Variants in ARHGEF4 observed in about 807,000 individuals in gnomAD.
ARHGEF4 encodes the protein APC-stimulated guanine nucleotide exchange factor 1.
Under a neutral mutation model 162.0 loss-of-function variants are expected in ARHGEF4, and 119 were observed. The observed-to-expected ratio is 0.73, with a 90% CI of 0.63 to 0.86. ARHGEF4 has a LOEUF of 0.86. Among genes scored for constraint, ARHGEF4 ranks in the 40% least tolerant of loss-of-function variants. The pLI, the probability that ARHGEF4 is intolerant of heterozygous loss-of-function variation, is 0.00. For missense variants in ARHGEF4, 2,488 were observed against 2,456.0 expected (o/e 1.01, Z -0.28); for synonymous variants, 1,014 against 979.9 (o/e 1.03, Z -0.65).
At chr2:130,979,187 A>G (rs533410191) in intron 4 of ARHGEF4, among the ~76,000 whole-genome samples, 14 of 152,218 alleles carry the variant, frequency 9.2e-5, no homozygotes, top group Non-Finnish European at 1.8e-4. Context: ...ATTTAACGTG[A>G]CAATCATAAC....
At chr2:130,901,423 G>A (rs552606080) in intron 1 of ARHGEF4, among the ~76,000 whole-genome samples, 1 of 152,096 alleles carries the variant, frequency 6.6e-6, no homozygotes. Context: ...CCTCTTGCTG[G>A]AACTTTGGCC....
intron 1 of ARHGEF4, among the ~76,000 whole-genome samples, chr2:130,881,880 G>A (rs1441617766): frequency 6.6e-6 from 1 of 152,068 alleles, no homozygotes; most frequent in Admixed American, 6.5e-5. Flanking sequence ...CCAAAAGGGC[G>A]TGGTTGGAGG....
At chr2:130,956,890 C>T (rs1019791194) in intron 4 of ARHGEF4, among the ~76,000 whole-genome samples, 10 of 151,958 alleles carry the variant, frequency 6.6e-5, no homozygotes, top group African/African-American at 2.2e-4. Context: ...TGCAGCACAC[C>T]AGCATGGCAC....
chr2:130,992,217 C>T (rs1462982815), intron 4 of ARHGEF4, among the ~76,000 whole-genome samples: 1 of 152,166 alleles, frequency 6.6e-6, no homozygotes, highest in Non-Finnish European at 1.5e-5. Context: ...CTCTACCAAT[C>T]AGCAGGATGT....
In ARHGEF4 at chr2:130,940,291, C is replaced by T. The variant is rs76625469; in HGVS notation, c.3859-6218C>T. 6.1e-3 allele frequency among the ~76,000 whole-genome samples: 918 copies of T among 151,718 alleles called. 9 individuals carry two copies. The highest frequency in any genetic ancestry group is 0.021 in the African/African-American group (886 of 41,366). Reference sequence around the variant, plus strand: ...AGATGGAACATAAGGAAATATTTTGCATAAAAGGAGACACTTTCCTAAGAA... The same window carrying T: ...AGATGGAACATAAGGAAATATTTTGTATAAAAGGAGACACTTTCCTAAGAA... On this transcript the variant is annotated intron_variant, in intron 3 of 13. Coordinates refer to ENST00000409359, the MANE Select transcript of ARHGEF4 (RefSeq NM_001367493.1).
Position 131,045,452 on chromosome 2 carries a change from C to G in ARHGEF4, c.5479+6C>G. ...GGTCACAGGGAAGCCCAAAGGTAGG[C>G]GGACAGCAGCCCCACCTCCTCGGCT... On this transcript the variant is annotated splice_donor_region_variant and intron_variant, in intron 13 of 13. Coordinates refer to ENST00000409359, the MANE Select transcript of ARHGEF4 (RefSeq NM_001367493.1). The G allele has an allele frequency of 6.2e-7, 1 of 1,613,536 alleles. No homozygotes were observed. The highest frequency in any genetic ancestry group is 8.5e-7 in the Non-Finnish European group (1 of 1,179,988).
At chr2:130,856,431 TA>T (rs530454292) in intron 1 of ARHGEF4, among the ~76,000 whole-genome samples, 6 of 152,076 alleles carry the variant, frequency 3.9e-5, no homozygotes, top group Non-Finnish European at 7.4e-5. Context: ...TTCCCAGATA[TA>T]AAAAAATGGA....
chr2:131,007,854 C>A (rs142428418), intron 4 of ARHGEF4, among the ~76,000 whole-genome samples: 5 of 139,512 alleles, frequency 3.6e-5, no homozygotes, highest in African/African-American at 1.4e-4. Context: ...CCCTATCCCC[C>A]GGGCTGGAGT....
intron 4 of ARHGEF4, among the ~76,000 whole-genome samples, chr2:130,980,978 T>C (rs939993579): frequency 2.6e-5 from 4 of 152,230 alleles, no homozygotes; most frequent in Admixed American, 1.3e-4. Context: ...TTGAGTTACC[T>C]TGAATATAAA....
At chr2:130,951,161 C>T (rs968756418) in intron 4 of ARHGEF4, among the ~76,000 whole-genome samples, 2 of 152,218 alleles carry the variant, frequency 1.3e-5, no homozygotes, top group Non-Finnish European at 2.9e-5. Context: ...CTAAAACTTT[C>T]TTCCTATTGC....
At chr2:130,837,039 C>T in intron 1 of ARHGEF4, 47 bp downstream of exon 1, 2 of 1,225,260 alleles carry the variant, frequency 1.6e-6, no homozygotes, top group Non-Finnish European at 2.0e-6. Context: ...CGGCGCCCTG[C>T]GCGGGTGGGG....
intron 4 of ARHGEF4, among the ~76,000 whole-genome samples, chr2:130,989,060 C>T (rs1448605227): frequency 2.0e-5 from 3 of 152,008 alleles, no homozygotes; most frequent in Non-Finnish European, 4.4e-5. Flanking sequence ...CTCCTGGGTT[C>T]AAGTGATTCT....
At chr2:131,003,399 G>A (rs764333520) in intron 4 of ARHGEF4, among the ~76,000 whole-genome samples, 3 of 152,128 alleles carry the variant, frequency 2.0e-5, no homozygotes, top group African/African-American at 7.2e-5. Flanking sequence ...CTTCTTGATC[G>A]TGACACGCAT....
chr2:130,964,198 G>T, intron 4 of ARHGEF4: 1 of 985,282 alleles, frequency 1.0e-6, no homozygotes, highest in Non-Finnish European at 1.2e-6. Context: ...GGGCATGCGC[G>T]GCGCCGTGTC....
Position 130,916,146 on chromosome 2 carries a change from G to GGA in ARHGEF4, c.2207_2208dup (p.Leu737AspfsTer62). 2 of 1,549,240 alleles carry GGA rather than the reference G, an allele frequency of 1.3e-6. No individual in the cohort carries two copies. The highest frequency in any genetic ancestry group is 2.4e-5 in the East Asian group (1 of 40,890). On this transcript the variant is annotated frameshift_variant, in exon 2 of 14. Coordinates refer to ENST00000409359, the MANE Select transcript of ARHGEF4 (RefSeq NM_001367493.1). LOFTEE classifies it high-confidence loss of function. ...GACGCCGAGCACAGAGGAGCCCCCGGGAGAGAGACTGCGTGGGGAGAGCCG... is the reference window on the plus strand; with the variant it reads ...GACGCCGAGCACAGAGGAGCCCCCGGGAGAGAGAGACTGCGTGGGGAGAGCCG...
chr2:130,872,912 C>T (rs376507925), intron 1 of ARHGEF4, among the ~76,000 whole-genome samples: 2 of 152,198 alleles, frequency 1.3e-5, no homozygotes, highest in East Asian at 3.9e-4. Context: ...CCAGCACACA[C>T]ATGCCTGCAC....
rs1559038038 is a variant in ARHGEF4 at position 130,916,505 on chromosome 2, CA to C, written c.2560del (p.Ser854AlafsTer70). ...CACCGCCTCTGCACCACGGGGACGCCAGCGCCTGGCCCGAGTTTGTCCCGCA... is the reference window on the plus strand; with the variant it reads ...CACCGCCTCTGCACCACGGGGACGCCGCGCCTGGCCCGAGTTTGTCCCGCA... ...DAPPLHHGDA[S>X]AWPEFVPQAA... On this transcript the variant is annotated frameshift_variant, in exon 2 of 14. Transcript: ENST00000409359. LOFTEE classifies it high-confidence loss of function. 3 of 1,548,542 alleles carry C rather than the reference CA, an allele frequency of 1.9e-6. No individual in the cohort carries two copies. The African/African-American group carries it at 4.1e-5, about 21-fold the overall frequency.
chr2:130,913,123 G>T (rs1465087014), intron 1 of ARHGEF4, among the ~76,000 whole-genome samples: 3 of 152,116 alleles, frequency 2.0e-5, no homozygotes, highest in Non-Finnish European at 2.9e-5. Flanking sequence ...GTGGATAAGG[G>T]TGGCTACTGT....
chr2:130,953,622 C>G (rs138385170), intron 4 of ARHGEF4, among the ~76,000 whole-genome samples: 52,716 of 152,006 alleles, frequency 0.35, 11,621 homozygotes, highest in African/African-American at 0.63. Flanking sequence ...AACAGACAAC[C>G]TACAGAATGG....
Sources: gnomAD v4.1 joint callset for allele counts (sites outside exome capture counted in the v4.1 genomes callset) on GRCh38, gnomAD v4.1.1 for gene constraint, MANE v1.5 for transcripts, NCBI Gene and HGNC (gene_info 2026-07-23, HGNC 2026-07-21) for gene names.